Variants in POU2F1 observed in about 807,000 individuals in gnomAD.
POU2F1 encodes the protein POU domain, class 2, transcription factor 1.
Under a neutral mutation model 84.9 loss-of-function variants are expected in POU2F1, and 16 were observed. That is an observed-to-expected ratio of 0.19 (90% confidence interval 0.13 to 0.29). POU2F1 has a LOEUF of 0.29. POU2F1 is among the 10% of genes least tolerant of loss of function. POU2F1 has a pLI of 1.00. For missense variants in POU2F1, 738 were observed against 942.6 expected (o/e 0.78, Z 2.84); for synonymous variants, 368 against 368.3 (o/e 1.00, Z 0.01).
chr1:167,374,421 G>T, intron 6 of POU2F1, 125 bp downstream of exon 6: 1 of 875,062 alleles, frequency 1.1e-6, no homozygotes, highest in African/African-American at 1.7e-5. Flanking sequence ...CTCTAGATCA[G>T]TGAGGTAAGC....
Position 167,370,164 on chromosome 1 carries a change from C to G in POU2F1, c.232C>G (p.Gln78Glu). 1 of 1,606,120 alleles carries G rather than the reference C, an allele frequency of 6.2e-7. No individual in the cohort carries two copies. Among genetic ancestry groups the G allele is most frequent in the Middle Eastern group, 1.7e-4 (1 of 6,030 alleles). Reference protein sequence around the residue: ...QAFLGHLHQVQLAGTSLQAAA... With the variant: ...QAFLGHLHQVELAGTSLQAAA... ...AACTTCCCCTGATTACTTATAGGTCCAACTCGCTGGAACAAGTTTACAGGC... is the reference window on the plus strand; with the variant it reads ...AACTTCCCCTGATTACTTATAGGTCGAACTCGCTGGAACAAGTTTACAGGC... The change falls in exon 4 of 16, where the codon CAA becomes GAA. Residue 78 changes from glutamine to glutamate, a missense_variant. Physicochemically the swap from Gln to Glu is conservative, Grantham distance 29 (BLOSUM62 2). Coordinates refer to ENST00000367866, the MANE Select transcript of POU2F1 (RefSeq NM_002697.4).
At chr1:167,388,871 G>T (rs1430894028) in intron 8 of POU2F1, among the ~76,000 whole-genome samples, 3 of 152,090 alleles carry the variant, frequency 2.0e-5, no homozygotes, top group African/African-American at 7.2e-5. Context: ...TTGCATGCCT[G>T]TCTCCATCAC....
At chr1:167,258,365 C>T (rs1018683391) in intron 1 of POU2F1, among the ~76,000 whole-genome samples, 2 of 152,148 alleles carry the variant, frequency 1.3e-5, no homozygotes, top group Admixed American at 6.5e-5. Flanking sequence ...ACACTGTATG[C>T]GATCCTTAGC....
intron 2 of POU2F1, among the ~76,000 whole-genome samples, chr1:167,353,274 T>C (rs1319991520): frequency 2.0e-5 from 3 of 152,166 alleles, no homozygotes; most frequent in Non-Finnish European, 2.9e-5. Context: ...ACTGAAAAAA[T>C]TGTAGCTGTC....
Position 167,371,980 on chromosome 1 carries a change from G to A in POU2F1, c.346G>A (p.Val116Met). 6.2e-7 allele frequency: 1 copy of A among 1,614,188 alleles called. No individual in the cohort carries two copies. The highest frequency in any genetic ancestry group is 8.5e-7 in the Non-Finnish European group (1 of 1,180,012). The change falls in exon 5 of 16, where the codon GTG becomes ATG. Residue 116 changes from valine (V) to methionine (M), a missense_variant. By Grantham distance (21) the Val-to-Met change is conservative (BLOSUM62 1). Around this residue, in one of 4 missense-constraint regions of POU2F1, gnomAD observed 161 missense variants for 147.0 expected, o/e 1.10. Transcript: ENST00000367866. ...QPSQPSQQPS[V>M]QAAIPQTQLM... ...AAGCCAGCCTTCCCAGCAGCCTTCAGTGCAGGCAGCCATTCCCCAGACCCA... is the reference window on the plus strand; with the variant it reads ...AAGCCAGCCTTCCCAGCAGCCTTCAATGCAGGCAGCCATTCCCCAGACCCA...
intron 1 of POU2F1, among the ~76,000 whole-genome samples, chr1:167,301,835 T>C (rs887794916): frequency 1.3e-5 from 2 of 152,338 alleles, no homozygotes; most frequent in African/African-American, 4.8e-5. Flanking sequence ...CTTTTTGTTT[T>C]AGGTATTTCT....
At chr1:167,272,502 G>A (rs536831912) in intron 1 of POU2F1, among the ~76,000 whole-genome samples, 1 of 152,174 alleles carries the variant, frequency 6.6e-6, no homozygotes, top group Non-Finnish European at 1.5e-5. Flanking sequence ...TTGGCTCACA[G>A]TTCCACAGGC....
chr1:167,223,498 G>A (rs1648392127), intron 1 of POU2F1, among the ~76,000 whole-genome samples: 1 of 152,124 alleles, frequency 6.6e-6, no homozygotes, highest in African/African-American at 2.4e-5. Flanking sequence ...CCGCTGCGTA[G>A]TCGAGGGAAG....
chr1:167,343,977 G>A (rs114738658), intron 2 of POU2F1, among the ~76,000 whole-genome samples: 1,550 of 152,036 alleles, frequency 0.01, 16 homozygotes, highest in Non-Finnish European at 0.016. Context: ...GACCAAGGAC[G>A]GAGCTCTTCT....
rs984643654 is a variant in POU2F1 at position 167,360,236 on chromosome 1, C to T, written c.128-5231C>T. On this transcript the variant is annotated intron_variant, in intron 2 of 15. Coordinates refer to ENST00000367866, the MANE Select transcript of POU2F1 (RefSeq NM_002697.4). ...AAGTTGTCTGTTTTTATTTTTGTTG[C>T]GTTTGCTTTTGAGTAGTTAGTCATA... 5.3e-5 allele frequency among the ~76,000 whole-genome samples: 8 copies of T among 152,076 alleles called. 1 individual carries two copies. Among genetic ancestry groups the T allele is most frequent in the South Asian group, 4.2e-4 (2 of 4,814 alleles).
chr1:167,311,529 A>G (rs1246949061), intron 1 of POU2F1, among the ~76,000 whole-genome samples: 1 of 152,168 alleles, frequency 6.6e-6, no homozygotes, highest in Non-Finnish European at 1.5e-5. Context: ...TCAGTCAATG[A>G]TGGACAGTGT....
At chr1:167,298,133 C>A (rs6670535) in intron 1 of POU2F1, among the ~76,000 whole-genome samples, 104,723 of 150,438 alleles carry the variant, frequency 0.7, 36,463 homozygotes, top group East Asian at 0.87. Flanking sequence ...TCTCCAAAAA[C>A]AACAACAACA....
At chr1:167,366,889 A>T (rs1196158065) in intron 3 of POU2F1, among the ~76,000 whole-genome samples, 1 of 152,178 alleles carries the variant, frequency 6.6e-6, no homozygotes, top group Admixed American at 6.5e-5. Flanking sequence ...CCTAGTAAGC[A>T]TCTTTATCTG....
intron 1 of POU2F1, among the ~76,000 whole-genome samples, chr1:167,304,224 A>C (rs1433481202): frequency 1.3e-5 from 2 of 152,212 alleles, no homozygotes; most frequent in African/African-American, 4.8e-5. Context: ...CTTTTGATAT[A>C]GCTTATAATG....
intron 12 of POU2F1, among the ~76,000 whole-genome samples, chr1:167,400,470 A>C (rs1161915593): frequency 1.3e-5 from 2 of 152,228 alleles, no homozygotes; most frequent in Non-Finnish European, 2.9e-5. Context: ...CCTAAAGCCC[A>C]GTTTATTAAA....
intron 2 of POU2F1, among the ~76,000 whole-genome samples, chr1:167,341,844 C>T (rs775073838): frequency 5.9e-5 from 9 of 151,996 alleles, no homozygotes; most frequent in East Asian, 3.9e-4. Context: ...TTTTGTTGAG[C>T]GGTGGAGGTG....
At chr1:167,322,593 C>T (rs1037425814) in intron 1 of POU2F1, among the ~76,000 whole-genome samples, 2 of 152,176 alleles carry the variant, frequency 1.3e-5, no homozygotes, top group Admixed American at 6.5e-5. Flanking sequence ...CAGAAATGCC[C>T]CGGTTTGGGC....
intron 1 of POU2F1, among the ~76,000 whole-genome samples, chr1:167,301,076 ACT>A (rs1315879016): frequency 6.6e-6 from 1 of 151,852 alleles, no homozygotes; most frequent in African/African-American, 2.4e-5. Context: ...AGCTGTAAAA[ACT>A]CTTAACAGTT....
In POU2F1 at chr1:167,220,902, C is replaced by A; in HGVS notation, c.5C>A (p.Ala2Glu). 1 of 1,534,890 alleles carries A rather than the reference C, an allele frequency of 6.5e-7. No individual in the cohort carries two copies. The highest frequency in any genetic ancestry group is 8.7e-7 in the Non-Finnish European group (1 of 1,146,654). The stretch of plus-strand genomic sequence containing the variant: ...ATTTTGGTTAAAATATTCAAAATGG[C>A]GGACGGAGGAGCAGCGAGTCAAGAT... M[A>E]DGGAASQDES... Residue 2 changes from alanine to glutamate, a missense_variant, in exon 1 of 16, where the codon GCG becomes GAG. Around this residue, in one of 4 missense-constraint regions of POU2F1, gnomAD observed 161 missense variants for 147.0 expected, o/e 1.10. Transcript: ENST00000367866.
Sources: allele counts gnomAD v4.1 joint callset (sites outside exome capture counted in the v4.1 genomes callset), GRCh38; gene constraint gnomAD v4.1.1; regional missense constraint gnomAD v4.1.1; transcripts MANE v1.5; gene names NCBI Gene and HGNC (gene_info 2026-07-23, HGNC 2026-07-21).